The following ATP7A variants were observed in gnomAD, a reference collection of about 807,000 sequenced individuals.
ATP7A encodes ATPase copper transporting alpha, also known as copper-transporting ATPase 1.
In ATP7A, 7 loss-of-function variants were observed where a neutral mutation model predicts 83.5. The ratio of observed to expected loss-of-function variants is 0.08; its 90% CI spans 0.05 to 0.16. The LOEUF is 0.16. Ranked by LOEUF, ATP7A falls within the 10% of genes least tolerant of loss-of-function variation. The pLI is 1.00. For missense variants in ATP7A, 940 were observed against 1,120.8 expected (o/e 0.84, Z 2.30); for synonymous variants, 354 against 395.2 (o/e 0.90, Z 1.24).
chrX:77,983,764 G>A (rs1453842764), intron 2 of ATP7A, among the ~76,000 whole-genome samples: 1 of 109,358 alleles, frequency 9.1e-6, no homozygotes, highest in Non-Finnish European at 1.9e-5. Context: ...GCAGTGGCAC[G>A]ACCTCCGCCT....
intron 1 of ATP7A, among the ~76,000 whole-genome samples, chrX:77,946,654 C>T (rs1173398758): frequency 1.9e-5 from 2 of 104,555 alleles, no homozygotes; most frequent in East Asian, 6.1e-4. Context: ...TTTGATTCTT[C>T]AATTCTTCAT....
At position 78,046,610 on chromosome X, in the gene ATP7A, C is replaced by T. The variant is rs148698322; in HGVS notation, c.*40C>T. Reference sequence around the variant, plus strand: ...TGCTGCCAGTTTAACTTGTCATGCACTGACACAGCATTCATGATGTTACCT... The same window carrying T: ...TGCTGCCAGTTTAACTTGTCATGCATTGACACAGCATTCATGATGTTACCT... On this transcript the variant is annotated 3_prime_UTR_variant, in exon 23 of 23. Coordinates refer to ENST00000341514, the MANE Select transcript of ATP7A (RefSeq NM_000052.7). The T allele has an allele frequency of 3.4e-6, 4 of 1,191,681 alleles. No homozygotes were observed. The African/African-American group carries it at 7.1e-5, about 21-fold the overall frequency.
At chrX:77,997,747 C>G (rs1352354984) in intron 4 of ATP7A, among the ~76,000 whole-genome samples, 1 of 110,259 alleles carries the variant, frequency 9.1e-6, no homozygotes, top group East Asian at 2.8e-4. Context: ...ATGATATGAG[C>G]TTCCACAGTC....
intron 1 of ATP7A, among the ~76,000 whole-genome samples, chrX:77,916,164 G>A (rs1432775016): frequency 1.8e-5 from 2 of 110,152 alleles, no homozygotes; most frequent in African/African-American, 6.6e-5. Flanking sequence ...AGACCAGCCT[G>A]GGCAACAAGG....
At chrX:78,006,505 C>T (rs1446325780) in intron 6 of ATP7A, among the ~76,000 whole-genome samples, 1 of 111,721 alleles carries the variant, frequency 9.0e-6, no homozygotes, top group East Asian at 2.8e-4. Context: ...TACCATAAAA[C>T]TCACCTTTTT....
chrX:77,980,715 C>A (rs1317047624), intron 2 of ATP7A, among the ~76,000 whole-genome samples: 2 of 110,700 alleles, frequency 1.8e-5, no homozygotes, highest in Admixed American at 1.9e-4. Flanking sequence ...GTCACCCAGG[C>A]TGGAGTGCAG....
chrX:78,041,174 A>G (rs1603390908), intron 19 of ATP7A, among the ~76,000 whole-genome samples: 1 of 111,315 alleles, frequency 9.0e-6, no homozygotes, highest in African/African-American at 3.3e-5. Context: ...CCTGACTCCC[A>G]CATCTGCCTT....
At chrX:78,001,553 TC>T (rs1267709130) in intron 5 of ATP7A, among the ~76,000 whole-genome samples, 2 of 111,907 alleles carry the variant, frequency 1.8e-5, no homozygotes, top group Non-Finnish European at 3.8e-5. Flanking sequence ...TCCTATTCAT[TC>T]TTTTTATTTG....
intron 1 of ATP7A, among the ~76,000 whole-genome samples, chrX:77,921,944 GTTTTA>G (rs1180865188): frequency 1.8e-5 from 2 of 110,382 alleles, no homozygotes; most frequent in Non-Finnish European, 3.8e-5. Context: ...TAGCTATTAT[GTTTTA>G]TTTATTTGTT....
chrX:77,967,525 A>G (rs1163648398), intron 1 of ATP7A, among the ~76,000 whole-genome samples: 2 of 111,326 alleles, frequency 1.8e-5, no homozygotes, highest in Admixed American at 1.9e-4. Context: ...TTTTTTTCAT[A>G]TGTTTGTTGG....
intron 5 of ATP7A, among the ~76,000 whole-genome samples, chrX:78,000,844 T>C (rs2077734610): frequency 9.2e-6 from 1 of 109,257 alleles, no homozygotes; most frequent in Non-Finnish European, 1.9e-5. Context: ...TTTGTATTTT[T>C]AGTAGAGACA....
chrX:77,950,215 T>C (rs1356202783), intron 1 of ATP7A, among the ~76,000 whole-genome samples: 1 of 112,323 alleles, frequency 8.9e-6, no homozygotes, highest in Non-Finnish European at 1.9e-5. Flanking sequence ...TCTAGAATCA[T>C]TTAGAAGCAT....
chrX:78,039,975 G>A (rs2078037058), intron 18 of ATP7A, among the ~76,000 whole-genome samples: 1 of 111,230 alleles, frequency 9.0e-6, no homozygotes, highest in Non-Finnish European at 1.9e-5. Context: ...GAGGTTGTAT[G>A]TGCTTTATTT....
chrX:78,022,825 A>G (rs1184955416), intron 14 of ATP7A, among the ~76,000 whole-genome samples: 1 of 111,433 alleles, frequency 9.0e-6, no homozygotes, highest in Non-Finnish European at 1.9e-5. Context: ...GCCCGTGGAT[A>G]TATTGTTTAT....
intron 1 of ATP7A, chrX:77,963,907 T>A (rs1050051885): frequency 4.4e-5 from 5 of 112,807 alleles, no homozygotes; most frequent in African/African-American, 1.6e-4. Flanking sequence ...AGCTAAGAAG[T>A]CTTTATTTCA....
chrX:78,012,818 A>C (rs950279553), intron 9 of ATP7A, 61 bp from the exon 10 acceptor site: 49 of 963,606 alleles, frequency 5.1e-5, no homozygotes, highest in Non-Finnish European at 6.8e-5. Flanking sequence ...TAAGTTATTG[A>C]GATATATATG....
intron 7 of ATP7A, among the ~76,000 whole-genome samples, chrX:78,010,569 GCTTTTTTTTTTTTT>G (rs1603385059): frequency 1.2e-5 from 1 of 81,132 alleles, no homozygotes; most frequent in Non-Finnish European, 2.2e-5. Flanking sequence ...TATGGTGCTA[GCTTTTTTTTTTTTT>G]TTTTTTTTTT....
At chrX:77,950,265 C>T (rs1157371807) in intron 1 of ATP7A, among the ~76,000 whole-genome samples, 1 of 111,945 alleles carries the variant, frequency 8.9e-6, no homozygotes, top group Admixed American at 9.5e-5. Flanking sequence ...TATCTGTCTC[C>T]TCCCTTCTCC....
At chrX:77,932,138 A>C (rs2077286782) in intron 1 of ATP7A, among the ~76,000 whole-genome samples, 1 of 105,667 alleles carries the variant, frequency 9.5e-6, no homozygotes, top group Non-Finnish European at 1.9e-5. Context: ...GGGGCTCCTC[A>C]CTTCTCAGAT....
Sources: allele counts gnomAD v4.1 joint callset (sites outside exome capture counted in the v4.1 genomes callset), GRCh38; gene constraint gnomAD v4.1.1; transcripts MANE v1.5; gene names NCBI Gene and HGNC (gene_info 2026-07-23, HGNC 2026-07-21).